The following CFAP47 variants were observed in gnomAD, a reference collection of about 807,000 sequenced individuals.
CFAP47 encodes cilia and flagella associated protein 47, also known as cilia- and flagella-associated protein 47.
CFAP47 carries 29 observed loss-of-function variants against 148.1 expected under a neutral mutation model. That is an observed-to-expected ratio of 0.20 (90% CI 0.15 to 0.27). The LOEUF is 0.27. Among genes scored for constraint, CFAP47 ranks in the 10% least tolerant of loss-of-function variants. The pLI, the probability that CFAP47 is intolerant of heterozygous loss-of-function variation, is 1.00. For missense variants in CFAP47, 1,872 were observed against 1,697.5 expected (o/e 1.10, Z -1.81); for synonymous variants, 664 against 577.3 (o/e 1.15, Z -2.15).
intron 41 of CFAP47, among the ~76,000 whole-genome samples, chrX:36,189,579 G>T (rs1340472721): frequency 8.9e-6 from 1 of 111,755 alleles, no homozygotes; most frequent in Admixed American, 9.6e-5. Context: ...TCATATTTAA[G>T]GCAATATCAG....
At chrX:36,186,537 G>A (rs1555985653) in intron 40 of CFAP47, among the ~76,000 whole-genome samples, 2 of 111,693 alleles carry the variant, frequency 1.8e-5, no homozygotes, top group African/African-American at 6.5e-5. Flanking sequence ...AACTAGACTT[G>A]AACCAGACAT....
At chrX:36,242,002 G>A (rs1940551035) in intron 48 of CFAP47, among the ~76,000 whole-genome samples, 1 of 111,835 alleles carries the variant, frequency 8.9e-6, no homozygotes, top group African/African-American at 3.3e-5. Context: ...TCACGTGGCT[G>A]TGTAAGAGCT....
chrX:36,293,126 A>C (rs1556005839), intron 51 of CFAP47, among the ~76,000 whole-genome samples: 1 of 111,348 alleles, frequency 9.0e-6, no homozygotes, highest in Non-Finnish European at 1.9e-5. Context: ...CCCTATTTGC[A>C]TGGAGCTACC....
chrX:36,156,282 A>G (rs1184314994), intron 37 of CFAP47, among the ~76,000 whole-genome samples: 1 of 110,984 alleles, frequency 9.0e-6, no homozygotes, highest in Non-Finnish European at 1.9e-5. Context: ...TGTGTGCCAC[A>G]TTCTTTGTTA....
chrX:36,252,645 C>G (rs1940706005), intron 49 of CFAP47, among the ~76,000 whole-genome samples: 1 of 111,371 alleles, frequency 9.0e-6, no homozygotes, highest in Non-Finnish European at 1.9e-5. Context: ...ACATATTTTA[C>G]TATTTTTTAG....
rs1938003952 is a variant in CFAP47, at chrX:36,082,580, A to G, written c.4692-2734A>G. 4.5e-5 allele frequency among the ~76,000 whole-genome samples: 5 copies of G among 111,501 alleles called. No homozygotes were observed. In the Admixed American group the frequency reaches 4.8e-4, roughly 11 times the overall value. ...AGTCCCACTTATTCTGAGAGAAGTAATTGCAGTACATGTAGGTGCTGTCCC... is the reference window on the plus strand; with the variant it reads ...AGTCCCACTTATTCTGAGAGAAGTAGTTGCAGTACATGTAGGTGCTGTCCC... On this transcript the variant is annotated intron_variant, in intron 29 of 63. Coordinates refer to ENST00000378653, the MANE Select transcript of CFAP47 (RefSeq NM_001304548.2).
chrX:35,963,138 C>G (rs2146655737), intron 8 of CFAP47, among the ~76,000 whole-genome samples: 1 of 110,589 alleles, frequency 9.0e-6, no homozygotes, highest in East Asian at 2.8e-4. Flanking sequence ...CTCATAGAAG[C>G]AGATAGTAGA....
chrX:36,223,613 G>A (rs1247619157), intron 45 of CFAP47, among the ~76,000 whole-genome samples: 2 of 110,268 alleles, frequency 1.8e-5, no homozygotes, highest in Non-Finnish European at 3.8e-5. Context: ...ACCTATTAAG[G>A]CACAAACAAG....
At chrX:36,192,334 G>C (rs1939874946) in intron 42 of CFAP47, among the ~76,000 whole-genome samples, 1 of 111,294 alleles carries the variant, frequency 9.0e-6, no homozygotes, top group African/African-American at 3.3e-5. Flanking sequence ...GGAATTTCAA[G>C]CAGAATCAGT....
rs781808183 is a variant in CFAP47 at position 36,302,265 on chromosome X, CAG to C, written c.7970+1090_7970+1091del. ...GGTGAAAGAACAAATTCATGATTTA[CAG>C]AGACTTGTTAAATTTGTAGTCTAGA... On this transcript the variant is annotated intron_variant, in intron 53 of 63. Coordinates refer to ENST00000378653, the MANE Select transcript of CFAP47 (RefSeq NM_001304548.2). Among the ~76,000 whole-genome samples, 52 of 110,666 alleles carry C rather than the reference CAG, an allele frequency of 4.7e-4. 1 individual carries two copies. The South Asian group carries it at 7.7e-3, about 16-fold the overall frequency.
intron 33 of CFAP47, among the ~76,000 whole-genome samples, chrX:36,117,713 T>A (rs1378238213): frequency 1.8e-5 from 2 of 111,909 alleles, no homozygotes; most frequent in East Asian, 5.6e-4. Flanking sequence ...ACTTTGTGAA[T>A]TATTTTCTTT....
chrX:36,120,174 T>A (rs1053408810), intron 33 of CFAP47, among the ~76,000 whole-genome samples: 1 of 108,191 alleles, frequency 9.2e-6, no homozygotes, highest in African/African-American at 3.4e-5. Context: ...GGTAATTTTT[T>A]TTTTTTTGTA....
chrX:36,151,417 A>C (rs1204541012), intron 37 of CFAP47, among the ~76,000 whole-genome samples: 2 of 112,028 alleles, frequency 1.8e-5, no homozygotes, highest in Non-Finnish European at 3.8e-5. Flanking sequence ...AACATTTGCT[A>C]TATAAAAATA....
At chrX:36,051,066 A>G (rs1569242860) in intron 26 of CFAP47, among the ~76,000 whole-genome samples, 1 of 112,233 alleles carries the variant, frequency 8.9e-6, no homozygotes, top group Admixed American at 9.4e-5. Context: ...AATCACCTGG[A>G]TGTCCAGGCA....
chrX:36,350,040 T>C lies in CFAP47; in HGVS notation c.8606T>C (p.Ile2869Thr), dbSNP rs1398715761. 9 of 1,126,231 alleles carry C rather than the reference T, an allele frequency of 8.0e-6. No homozygotes were observed. Among genetic ancestry groups the C allele is most frequent in the Non-Finnish European group, 1.1e-5 (9 of 838,263 alleles). The allele number at this position is 1,126,231 out of a possible 1,213,427, so 92.8% of individuals were successfully genotyped here. Residue 2869 changes from isoleucine to threonine, a missense_variant and splice_region_variant, in exon 59 of 64, where the codon ATT becomes ACT. Transcript: ENST00000378653. ...TTAATATTTTAATTTCTAATTAGTA[T>C]TGTGGGAATCGACAGCGAAGAAATC... ...FDELDIKFKS[I>T]VGIDSEEIQA...
At chrX:35,932,296 G>C (rs1429605173) in intron 2 of CFAP47, among the ~76,000 whole-genome samples, 1 of 88,463 alleles carries the variant, frequency 1.1e-5, no homozygotes, top group African/African-American at 4.5e-5. Context: ...GTCTCTCTCT[G>C]TTGCCCAGGC....
rs771590181 is a variant in CFAP47 at position 35,948,375 on chromosome X, C to T, written c.579C>T (p.Ile193=). The part of the protein sequence containing the change: ...LPILIFPTSG[I]VDAKSSMVIK... Reference sequence around the variant, plus strand: ...TCCTCATTTTTCCAACTAGTGGTATCGTGGATGCTAAGTCATCAATGGTTA... The same window carrying T: ...TCCTCATTTTTCCAACTAGTGGTATTGTGGATGCTAAGTCATCAATGGTTA... The change falls in exon 4 of 64, where the codon ATC becomes ATT. Residue 193 remains isoleucine (I), a synonymous_variant. Coordinates refer to ENST00000378653, the MANE Select transcript of CFAP47 (RefSeq NM_001304548.2). 5.0e-6 allele frequency: 6 copies of T among 1,199,051 alleles called. No homozygotes were observed. Among genetic ancestry groups the T allele is most frequent in the South Asian group, 1.8e-5 (1 of 56,614 alleles).
chrX:36,263,751 C>T (rs973645028), intron 49 of CFAP47, among the ~76,000 whole-genome samples: 4 of 111,517 alleles, frequency 3.6e-5, no homozygotes, highest in Admixed American at 9.5e-5. Context: ...AAATCAAGGA[C>T]GCCAAGAGCC....
At chrX:36,281,648 T>C (rs1433194224) in intron 50 of CFAP47, among the ~76,000 whole-genome samples, 1 of 112,742 alleles carries the variant, frequency 8.9e-6, no homozygotes, top group Non-Finnish European at 1.9e-5. Flanking sequence ...ATTATACTAA[T>C]ATAAATGTTA....
Sources: allele counts gnomAD v4.1 joint callset (sites outside exome capture counted in the v4.1 genomes callset), GRCh38; gene constraint gnomAD v4.1.1; transcripts MANE v1.5; gene names NCBI Gene and HGNC (gene_info 2026-07-23, HGNC 2026-07-21).